The following NAALAD2 variants were observed in gnomAD, a reference collection of about 807,000 sequenced individuals.
NAALAD2 encodes the protein N-acetylated alpha-linked acidic dipeptidase 2, also known as N-acetylated-alpha-linked acidic dipeptidase 2.
NAALAD2 carries 89 observed loss-of-function variants against 95.6 expected under a neutral mutation model. The observed-to-expected ratio is 0.93, with a 90% CI of 0.78 to 1.11. The LOEUF (loss-of-function observed/expected upper bound fraction) is 1.11, where lower values mean the gene tolerates loss of function less well. Ranked by LOEUF, NAALAD2 falls within the 50% of genes least tolerant of loss-of-function variation. The probability of loss-of-function intolerance (pLI) is 0.00; values close to 1 mark genes in which losing one functional copy is unlikely to be tolerated. For missense variants in NAALAD2, 894 were observed against 872.4 expected (o/e 1.02, Z -0.31); for synonymous variants, 264 against 294.4 (o/e 0.90, Z 1.06).
At chr11:90,165,155 AT>A (rs1265495648) in intron 11 of NAALAD2, among the ~76,000 whole-genome samples, 1 of 152,030 alleles carries the variant, frequency 6.6e-6, no homozygotes, top group African/African-American at 2.4e-5. Context: ...TAGTCTCATC[AT>A]TTTTTACGAC....
chr11:90,167,776 G>T (rs11018893), intron 11 of NAALAD2, among the ~76,000 whole-genome samples: 24,131 of 152,024 alleles, frequency 0.16, 2,469 homozygotes, highest in African/African-American at 0.28. Flanking sequence ...TAATCTAGTG[G>T]GGACGTGGGG....
intron 12 of NAALAD2, 58 bp from the exon 13 acceptor site, chr11:90,170,007 TAAAC>T (rs1344901867): frequency 9.0e-6 from 9 of 997,336 alleles, no homozygotes; most frequent in Admixed American, 7.1e-5. Flanking sequence ...AAGTTAGAAT[TAAAC>T]AAATGGAATT....
chr11:90,174,646 A>C (rs1166198525), intron 14 of NAALAD2, among the ~76,000 whole-genome samples: 2 of 151,960 alleles, frequency 1.3e-5, no homozygotes, highest in African/African-American at 2.4e-5. Context: ...TGTGATTTAG[A>C]ATTTATATAA....
In NAALAD2 at chr11:90,173,851, A is replaced by G. The variant is rs1349023003; in HGVS notation, c.1438A>G (p.Ser480Gly). ...CCCCAGCCCTGATGATGGGTTTGAG[A>G]GTAAATCACTGTATGAAAGCTGGTT... ...EIPSPDDGFE[S>G]KSLYESWLEK... is the part of the protein sequence containing the mutation. Residue 480 changes from serine to glycine, a missense_variant, in exon 14 of 19, where the codon AGT (serine) becomes GGT (glycine). Ser to Gly is a moderately conservative substitution (Grantham distance 56, BLOSUM62 0). Coordinates refer to ENST00000534061, the MANE Select transcript of NAALAD2 (RefSeq NM_005467.4). The G allele has an allele frequency of 6.2e-7, 1 of 1,613,288 alleles. No homozygotes were observed. The highest frequency in any genetic ancestry group is 1.1e-5 in the South Asian group (1 of 90,974).
chr11:90,154,796 CATAT>C (rs199841981), intron 6 of NAALAD2, among the ~76,000 whole-genome samples: 1 of 145,580 alleles, frequency 6.9e-6, no homozygotes, highest in Non-Finnish European at 1.5e-5. Flanking sequence ...AATTGAATTT[CATAT>C]ATATATATGT....
chr11:90,147,544 AT>A, intron 3 of NAALAD2, 28 bp downstream of exon 3: 1 of 1,574,470 alleles, frequency 6.4e-7, no homozygotes, highest in African/African-American at 1.4e-5. Flanking sequence ...TACTTTTTAT[AT>A]TTTGCAATCC....
rs192907311 is a variant in NAALAD2 at position 90,173,811 on chromosome 11, T to A, written c.1411-13T>A. ...TCTACCCCTAATTTCCAGTATTTGA[T>A]TTCTCTTTCCAGATCCCCAGCCCTG... On this transcript the variant is annotated splice_polypyrimidine_tract_variant and intron_variant, in intron 13 of 18. Transcript: ENST00000534061. 9.2e-4 allele frequency: 1,477 copies of A among 1,597,254 alleles called. 1 individual carries two copies. The highest frequency in any genetic ancestry group is 1.2e-3 in the Non-Finnish European group (1,375 of 1,173,250).
At chr11:90,188,409 C>T (rs1857224830) in intron 18 of NAALAD2, among the ~76,000 whole-genome samples, 1 of 152,136 alleles carries the variant, frequency 6.6e-6, no homozygotes, top group Non-Finnish European at 1.5e-5. Context: ...TAGTCCATTC[C>T]TGCTGCTATA....
intron 17 of NAALAD2, among the ~76,000 whole-genome samples, chr11:90,182,014 A>G (rs913398621): frequency 1.5e-4 from 23 of 151,882 alleles, no homozygotes; most frequent in South Asian, 2.1e-4. Flanking sequence ...CCAAAGAGAC[A>G]AGGGCCAAAG....
intron 2 of NAALAD2, among the ~76,000 whole-genome samples, chr11:90,144,500 G>T (rs758042380): frequency 4.0e-5 from 6 of 151,896 alleles, no homozygotes; most frequent in Non-Finnish European, 5.9e-5. Flanking sequence ...CTGCACTTTG[G>T]GAGGCCAAGG....
chr11:90,134,631 C>T (rs979286346), upstream of NAALAD2: 10 of 790,238 alleles, frequency 1.3e-5, no homozygotes, highest in African/African-American at 1.4e-4. Context: ...AGGGCGGAGG[C>T]GTGGCCTTGC....
At chr11:90,141,540 G>C (rs1337078570) in intron 2 of NAALAD2, among the ~76,000 whole-genome samples, 1 of 152,102 alleles carries the variant, frequency 6.6e-6, no homozygotes, top group Non-Finnish European at 1.5e-5. Context: ...TAGAAATACT[G>C]TTGTGTTTGT....
At chr11:90,157,641 A>G (rs1336624872) in intron 6 of NAALAD2, among the ~76,000 whole-genome samples, 2 of 152,214 alleles carry the variant, frequency 1.3e-5, no homozygotes, top group African/African-American at 2.4e-5. Context: ...GAAAACTGCC[A>G]TCTCTATAAT....
rs2099506087 is a variant in NAALAD2 at position 90,168,926 on chromosome 11, C to T, written c.1279-3C>T. 3.1e-6 allele frequency: 5 copies of T among 1,604,450 alleles called. No homozygotes were observed. Among genetic ancestry groups the T allele is most frequent in the African/African-American group, 1.3e-5 (1 of 74,426 alleles). ...TTAAGTAACAACTTTGCTTCAACTA[C>T]AGGAGAATGTCAAAATACTCCAGGA... On this transcript the variant is annotated splice_polypyrimidine_tract_variant and splice_region_variant and intron_variant, in intron 11 of 18. Transcript: ENST00000534061.
chr11:90,147,287 AG>A, intron 2 of NAALAD2, 42 bp from the exon 3 acceptor site: 1 of 1,486,072 alleles, frequency 6.7e-7, no homozygotes. Flanking sequence ...ACATCGTCTG[AG>A]CATAGTCTTT....
intron 6 of NAALAD2, among the ~76,000 whole-genome samples, chr11:90,152,976 CA>C (rs1453779963): frequency 6.6e-6 from 1 of 152,088 alleles, no homozygotes; most frequent in Non-Finnish European, 1.5e-5. Flanking sequence ...CCCATTATCT[CA>C]AAAAAGCTTC....
chr11:90,192,819 A>G lies in NAALAD2; in HGVS notation c.*1072A>G, dbSNP rs1285081256. On this transcript the variant is annotated 3_prime_UTR_variant, in exon 19 of 19. Transcript: ENST00000534061. ...TGTATATCAGAATCTGCAAACTTTT[A>G]TGCAGATCCCAGTGACTCAATTACA... 6.6e-6 allele frequency: 1 copy of G among 152,012 alleles called. No individual in the cohort carries two copies. Among genetic ancestry groups the G allele is most frequent in the Non-Finnish European group, 1.5e-5 (1 of 67,896 alleles). The allele number at this position is 152,012 out of a possible 1,614,324, so 9.4% of individuals were successfully genotyped here.
chr11:90,148,447 C>G (rs1025195582), intron 3 of NAALAD2, among the ~76,000 whole-genome samples: 224 of 152,008 alleles, frequency 1.5e-3, no homozygotes, highest in African/African-American at 5.3e-3. Flanking sequence ...AAATGCAGAT[C>G]AAAAGCAGGC....
rs1278713680 is a variant in NAALAD2 at position 90,168,987 on chromosome 11, T to C, written c.1337T>C (p.Ile446Thr). The C allele has an allele frequency of 5.0e-6, 8 of 1,594,742 alleles. No homozygotes were observed. The Admixed American group carries it at 1.4e-4, about 29-fold the overall frequency. The part of the protein sequence containing the change: ...SIAYINSDSS[I>T]EGNYTLRVDC... ...GCTTATATCAACTCGGATTCATCTATAGAAGGTAAATTTTATTTCAATTTG... is the reference window on the plus strand; with the variant it reads ...GCTTATATCAACTCGGATTCATCTACAGAAGGTAAATTTTATTTCAATTTG... The change falls in exon 12 of 19, where the codon ATA becomes ACA. Residue 446 changes from isoleucine (I) to threonine (T), a missense_variant. Ile to Thr is a moderately conservative substitution (Grantham distance 89). Coordinates refer to ENST00000534061, the MANE Select transcript of NAALAD2 (RefSeq NM_005467.4).
Sources: allele counts gnomAD v4.1 joint callset (sites outside exome capture counted in the v4.1 genomes callset), GRCh38; gene constraint gnomAD v4.1.1; transcripts MANE v1.5; gene names NCBI Gene and HGNC (gene_info 2026-07-23, HGNC 2026-07-21).